MACC1: variants seen among roughly 807,000 people sequenced by gnomAD.
MACC1 encodes MET transcriptional regulator MACC1.
Under a neutral mutation model 70.7 loss-of-function variants are expected in MACC1, and 79 were observed. The ratio of observed to expected loss-of-function variants is 1.12; its 90% confidence interval spans 0.93 to 1.35. The LOEUF is 1.35. Ranked by LOEUF, MACC1 falls within the 40% of genes most tolerant of loss-of-function variation. The probability of loss-of-function intolerance (pLI) is 0.00; values close to 1 mark genes in which losing one functional copy is unlikely to be tolerated. For synonymous variants in MACC1, 361 were observed against 347.2 expected (o/e 1.04, Z -0.44); for missense variants, 1,106 against 978.1 (o/e 1.13, Z -1.74).
intron 1 of MACC1, among the ~76,000 whole-genome samples, chr7:20,177,862 A>G (rs1259448161): frequency 6.6e-6 from 1 of 151,926 alleles, no homozygotes; most frequent in African/African-American, 2.4e-5. Context: ...CCAGCCCCAA[A>G]TTGTTGGACT....
Position 20,213,769 on chromosome 7 carries a change from G to A in MACC1, c.-218+3530C>T, listed in dbSNP as rs556381708. Among the ~76,000 whole-genome samples the A allele has an allele frequency of 1.3e-4, 20 of 152,176 alleles. No homozygotes were observed. The South Asian group carries it at 4.2e-3, about 32-fold the overall frequency. On this transcript the variant is annotated intron_variant, in intron 1 of 6. Coordinates refer to ENST00000400331, the MANE Select transcript of MACC1 (RefSeq NM_182762.4). ...GAGGCCAATTGAAGGGTGGAGGGTG[G>A]GAGGAGGCAGAGGGTCAAGATAAAT...
intron 6 of MACC1, among the ~76,000 whole-genome samples, chr7:20,143,862 C>T (rs775840807): frequency 1.9e-4 from 29 of 152,098 alleles, no homozygotes; most frequent in Non-Finnish European, 3.1e-4. Flanking sequence ...TGCCCTAAAC[C>T]GATTTGAGAC....
chr7:20,170,318 C>T (rs1228788856), intron 2 of MACC1: 1 of 152,120 alleles, frequency 6.6e-6, no homozygotes, highest in East Asian at 1.9e-4. Flanking sequence ...ATTGAAATAA[C>T]ATAAATCCCC....
intron 1 of MACC1, among the ~76,000 whole-genome samples, chr7:20,192,007 G>A (rs529090217): frequency 1.3e-5 from 2 of 152,048 alleles, no homozygotes; most frequent in Admixed American, 6.6e-5. Flanking sequence ...AAGATAATAC[G>A]ATGAAGGATG....
intron 6 of MACC1, among the ~76,000 whole-genome samples, chr7:20,151,784 T>C (rs1583383592): frequency 6.6e-6 from 1 of 152,208 alleles, no homozygotes; most frequent in Non-Finnish European, 1.5e-5. Context: ...CTACTTGACA[T>C]GGCCTGAAAA....
chr7:20,173,622 G>A (rs1018052398), intron 1 of MACC1, among the ~76,000 whole-genome samples: 1 of 152,162 alleles, frequency 6.6e-6, no homozygotes. Context: ...AATAGAGTGC[G>A]ACCTCAGCCA....
intron 1 of MACC1, among the ~76,000 whole-genome samples, chr7:20,193,265 TTATAAG>T (rs1782699427): frequency 6.6e-6 from 1 of 152,186 alleles, no homozygotes; most frequent in East Asian, 1.9e-4. Context: ...ATTAAATAAA[TTATAAG>T]CTATCAACTT....
rs755132958 is a variant in MACC1, at chr7:20,160,077, A to G, written c.284T>C (p.Ile95Thr). The change falls in exon 5 of 7, where the codon ATC (isoleucine) becomes ACC (threonine). Residue 95 changes from isoleucine (I) to threonine (T), a missense_variant. Physicochemically the swap from Ile to Thr is moderately conservative, Grantham distance 89 (BLOSUM62 -1). Transcript: ENST00000400331. ...GAAAAGAAAAGGATCTTCCTTTAAGATGGAAATATTATTTCTCTTCCTGTT... is the reference window on the plus strand; with the variant it reads ...GAAAAGAAAAGGATCTTCCTTTAAGGTGGAAATATTATTTCTCTTCCTGTT... Reference protein sequence around the residue: ...RNNRKRNNISILKEDPFLFCR... With the variant: ...RNNRKRNNISTLKEDPFLFCR... The G allele has an allele frequency of 5.0e-6, 8 of 1,610,718 alleles. No individual in the cohort carries two copies. Among genetic ancestry groups the G allele is most frequent in the Admixed American group, 3.4e-5 (2 of 59,322 alleles).
chr7:20,167,338 G>A (rs956154357), intron 2 of MACC1, among the ~76,000 whole-genome samples: 3 of 151,934 alleles, frequency 2.0e-5, no homozygotes, highest in African/African-American at 7.3e-5. Context: ...CAGGACTACA[G>A]GTGCATGCCA....
intron 1 of MACC1, among the ~76,000 whole-genome samples, chr7:20,197,384 C>T (rs1482498231): frequency 6.6e-6 from 1 of 152,174 alleles, no homozygotes; most frequent in Non-Finnish European, 1.5e-5. Flanking sequence ...AATTTCTTGA[C>T]CCCTCCTGGG....
Position 20,158,953 on chromosome 7 carries a change from A to G in MACC1, c.1408T>C (p.Phe470Leu), listed in dbSNP as rs1782098636. The G allele has an allele frequency of 6.2e-7, 1 of 1,614,014 alleles. No homozygotes were observed. Among genetic ancestry groups the G allele is most frequent in the Non-Finnish European group, 8.5e-7 (1 of 1,180,000 alleles). ...CTGTGCTCAACTAAAGAAAATAAAAATTGTTGATGAACTACTTCACCTGCT... is the reference window on the plus strand; with the variant it reads ...CTGTGCTCAACTAAAGAAAATAAAAGTTGTTGATGAACTACTTCACCTGCT... ...LEAGEVVHQQ[F>L]LFSLVEHREM... The change falls in exon 5 of 7, where the codon TTT (phenylalanine) becomes CTT (leucine). Residue 470 changes from phenylalanine (F) to leucine (L), a missense_variant. Transcript: ENST00000400331.
At chr7:20,183,496 A>G (rs960173281) in intron 1 of MACC1, among the ~76,000 whole-genome samples, 2 of 152,216 alleles carry the variant, frequency 1.3e-5, no homozygotes, top group Non-Finnish European at 2.9e-5. Flanking sequence ...TCTGACTTGC[A>G]AAACTGTGAA....
At chr7:20,208,930 A>G (rs1782954380) in intron 1 of MACC1, among the ~76,000 whole-genome samples, 1 of 152,222 alleles carries the variant, frequency 6.6e-6, no homozygotes, top group Non-Finnish European at 1.5e-5. Context: ...AAAAGGGATC[A>G]AGGTACAGCT....
At chr7:20,153,160 G>C (rs1456779862) in intron 6 of MACC1, 3 of 152,228 alleles carry the variant, frequency 2.0e-5, no homozygotes, top group Non-Finnish European at 4.4e-5. Flanking sequence ...AGAAGTCCTG[G>C]CTGGAGAGCC....
In MACC1 at chr7:20,140,406, T is replaced by C. The variant is rs1441222133; in HGVS notation, c.*540A>G. 6.6e-6 allele frequency: 1 copy of C among 152,234 alleles called. No individual in the cohort carries two copies. The highest frequency in any genetic ancestry group is 1.5e-5 in the Non-Finnish European group (1 of 68,076). The allele number at this position is 152,234 out of a possible 1,614,324, so 9.4% of individuals were successfully genotyped here. ...GGGTGATGCTGGTGAACCCCACTGA[T>C]GAACTGAAGAGGTCAGGTGTGGAAA... On this transcript the variant is annotated 3_prime_UTR_variant, in exon 7 of 7. Coordinates refer to ENST00000400331, the MANE Select transcript of MACC1 (RefSeq NM_182762.4).
At position 20,189,499 on chromosome 7, in the gene MACC1, G is replaced by A. The variant is rs150497722; in HGVS notation, c.-217-18721C>T. 7.2e-5 allele frequency among the ~76,000 whole-genome samples: 11 copies of A among 152,218 alleles called. No homozygotes were observed. The East Asian group carries it at 9.6e-4, about 13-fold the overall frequency. ...ACATTAATAGAATAAAAGTCATTGC[G>A]GCAAATCAATGGAGGTTTGTAAAGA... On this transcript the variant is annotated intron_variant, in intron 1 of 6. Transcript: ENST00000400331.
intron 6 of MACC1, among the ~76,000 whole-genome samples, chr7:20,150,129 C>G (rs755664311): frequency 1.3e-5 from 2 of 152,132 alleles, no homozygotes; most frequent in African/African-American, 4.8e-5. Flanking sequence ...TCATCTAGTC[C>G]TATACTTTTA....
chr7:20,156,399 A>C (rs760175270), intron 5 of MACC1, among the ~76,000 whole-genome samples: 118 of 152,300 alleles, frequency 7.7e-4, no homozygotes, highest in Non-Finnish European at 1.5e-3. Context: ...ATCATACCCC[A>C]AAATATACAG....
chr7:20,193,024 G>C (rs7779242), intron 1 of MACC1, among the ~76,000 whole-genome samples: 1 of 152,104 alleles, frequency 6.6e-6, no homozygotes, highest in African/African-American at 2.4e-5. Flanking sequence ...TTTTTCTTAA[G>C]ATGCCCCTGT....
Sources: gnomAD v4.1 joint callset for allele counts (sites outside exome capture counted in the v4.1 genomes callset) on GRCh38, gnomAD v4.1.1 for gene constraint, MANE v1.5 for transcripts, NCBI Gene and HGNC (gene_info 2026-07-23, HGNC 2026-07-21) for gene names.